The following NOX1 variants were observed in gnomAD, a reference collection of about 807,000 sequenced individuals.
NOX1 encodes the protein NADPH oxidase 1, also known as NADH/NADPH mitogenic oxidase subunit P65-MOX.
NOX1 carries 34 observed loss-of-function variants against 42.5 expected under a neutral mutation model. That is an observed-to-expected ratio of 0.80 (90% CI 0.61 to 1.07). NOX1 has a LOEUF of 1.07. Ranked by LOEUF, NOX1 falls within the 50% of genes least tolerant of loss-of-function variation. The pLI is 0.00. For synonymous variants in NOX1, 143 were observed against 152.5 expected, an observed-to-expected ratio of 0.94 and a Z score of 0.46; for missense variants, 408 against 427.0, an observed-to-expected ratio of 0.96 and a Z score of 0.39.
chrX:100,844,289 T>C (rs952977364), intron 12 of NOX1, among the ~76,000 whole-genome samples: 2 of 112,151 alleles, frequency 1.8e-5, no homozygotes, highest in South Asian at 7.4e-4. Flanking sequence ...GCCTTCCCTG[T>C]TTTGAGAACA....
intron 10 of NOX1, 29 bp downstream of exon 10, chrX:100,849,743 C>A: frequency 8.5e-7 from 1 of 1,174,656 alleles, no homozygotes. Context: ...AGACTCAGGC[C>A]AGAAGAAAAG....
rs2085052728 is a variant in NOX1 at position 100,843,817 on chromosome X, A to G, written c.*135T>C. The stretch of plus-strand genomic sequence containing the variant: ...AAGTAACGAAGTTGAATGCAATCAA[A>G]AAAAGAATACCAGGGAGTCAAGGCT... On this transcript the variant is annotated 3_prime_UTR_variant, in exon 13 of 13. Transcript: ENST00000372966. 3 of 502,578 alleles carry G rather than the reference A, an allele frequency of 6.0e-6. No homozygotes were observed. Among genetic ancestry groups the G allele is most frequent in the Non-Finnish European group, 9.6e-6 (3 of 313,438 alleles). The allele number at this position is 502,578 out of a possible 1,213,427, so 41.4% of individuals were successfully genotyped here.
intron 1 of NOX1, among the ~76,000 whole-genome samples, chrX:100,871,930 A>G (rs1473358252): frequency 8.9e-6 from 1 of 112,212 alleles, no homozygotes; most frequent in East Asian, 2.8e-4. Flanking sequence ...TAGCTCTATA[A>G]TCTCAGACAG....
intron 2 of NOX1, among the ~76,000 whole-genome samples, chrX:100,868,586 C>T (rs1241286199): frequency 9.0e-6 from 1 of 111,074 alleles, no homozygotes; most frequent in Admixed American, 9.6e-5. Context: ...CCTGAGCCCT[C>T]CTTTCTGCAG....
At chrX:100,846,157 G>A (rs1260076361) in intron 12 of NOX1, among the ~76,000 whole-genome samples, 1 of 111,092 alleles carries the variant, frequency 9.0e-6, no homozygotes, top group Admixed American at 9.5e-5. Context: ...TCCTGACCTC[G>A]TGATCCATCT....
intron 2 of NOX1, among the ~76,000 whole-genome samples, chrX:100,869,356 C>T (rs2085258621): frequency 9.2e-6 from 1 of 108,443 alleles, no homozygotes; most frequent in African/African-American, 3.4e-5. Context: ...GTTTGTAGTT[C>T]TCCTTGAAGA....
chrX:100,853,564 C>T (rs1468303058), intron 7 of NOX1, among the ~76,000 whole-genome samples: 1 of 105,534 alleles, frequency 9.5e-6, no homozygotes, highest in African/African-American at 3.5e-5. Context: ...CCACACCTGG[C>T]GAATTTTTGC....
intron 12 of NOX1, among the ~76,000 whole-genome samples, chrX:100,847,787 G>T (rs2085084245): frequency 9.5e-6 from 1 of 105,244 alleles, no homozygotes; most frequent in South Asian, 4.2e-4. Flanking sequence ...AAAAAAAAAG[G>T]TAATCAAGAA....
rs1202110915 is a variant in NOX1 at position 100,843,424 on chromosome X, T to C, written c.*528A>G. On this transcript the variant is annotated 3_prime_UTR_variant, in exon 13 of 13. Transcript: ENST00000372966. ...CATATCAAAAGTGACAGTAAACATG[T>C]ACACTGTTGGTGTTATATGGGGATG... 3 of 1,140,904 alleles carry C rather than the reference T, an allele frequency of 2.6e-6. No homozygotes were observed. Among genetic ancestry groups the C allele is most frequent in the Non-Finnish European group, 3.5e-6 (3 of 863,710 alleles). 94.0% of individuals were successfully genotyped at this position (1,140,904 alleles called of 1,213,427 possible).
At chrX:100,850,085 G>T in intron 9 of NOX1, 66 bp downstream of exon 9, 1 of 1,035,738 alleles carries the variant, frequency 9.7e-7, no homozygotes, top group Non-Finnish European at 1.3e-6. Flanking sequence ...ATTCAACGAA[G>T]AATTGCTTTC....
intron 7 of NOX1, chrX:100,855,708 T>G: frequency 9.6e-7 from 1 of 1,043,167 alleles, no homozygotes; most frequent in East Asian, 3.0e-5. Context: ...TCCACCACCA[T>G]CATGGCTGCC....
intron 1 of NOX1, 135 bp from the exon 2 acceptor site, chrX:100,870,949 G>A: frequency 2.3e-6 from 1 of 438,849 alleles, no homozygotes. Flanking sequence ...TTAAATGAGT[G>A]CAATCCTGCT....
rs182578795 is a variant in NOX1, at chrX:100,862,235, A to G, written c.740T>C (p.Phe247Ser). ...ESHPRKCAES[F>S]EMWDDRDSHC... ...GGAGTCACGATCATCCCACATCTCA[A>G]AAGACTCTGCACACTTGCGAGGATG... is the stretch of plus-strand genomic sequence containing the variant. The change falls in exon 7 of 13, where the codon TTT becomes TCT. Residue 247 changes from phenylalanine to serine, a missense_variant. Physicochemically the swap from Phe to Ser is radical, Grantham distance 155 (BLOSUM62 -2). Coordinates refer to ENST00000372966, the MANE Select transcript of NOX1 (RefSeq NM_007052.5). 7.2e-5 allele frequency: 87 copies of G among 1,209,270 alleles called. No individual in the cohort carries two copies. Among genetic ancestry groups the G allele is most frequent in the Non-Finnish European group, 8.9e-5 (80 of 894,791 alleles).
At chrX:100,845,256 TTCTGTC>T (rs1202919109) in intron 12 of NOX1, among the ~76,000 whole-genome samples, 1 of 111,377 alleles carries the variant, frequency 9.0e-6, no homozygotes, top group East Asian at 2.8e-4. Context: ...TCACTTTACT[TTCTGTC>T]TCTGTGGGTA....
chrX:100,855,241 T>C lies in NOX1; in HGVS notation c.805-3916A>G, dbSNP rs893671235. On this transcript the variant is annotated intron_variant, in intron 7 of 12. Transcript: ENST00000372966. ...TGAATCTGTTGTAACCTGTAGCTTC[T>C]CTGTCACTTCTCTGGCTCTCCTCTC... 3.5e-5 allele frequency: 18 copies of C among 520,851 alleles called. No homozygotes were observed. The East Asian group carries it at 5.8e-4, about 17-fold the overall frequency. 42.9% of individuals were successfully genotyped at this position (520,851 alleles called of 1,213,427 possible).
chrX:100,870,711 A>T lies in NOX1; in HGVS notation c.141+8T>A. On this transcript the variant is annotated splice_region_variant and intron_variant, in intron 2 of 12. Transcript: ENST00000372966. ...AGAGATTCTATCCGTGACAACCGTG[A>T]TACTCACCCCAAGGATTTTTCTTGT... The T allele has an allele frequency of 1.1e-5, 12 of 1,067,453 alleles. No homozygotes were observed. Among genetic ancestry groups the T allele is most frequent in the Non-Finnish European group, 1.6e-5 (12 of 767,458 alleles). 88.0% of individuals were successfully genotyped at this position (1,067,453 alleles called of 1,213,427 possible).
Position 100,843,467 on chromosome X carries a change from G to T in NOX1, c.*485C>A. On this transcript the variant is annotated 3_prime_UTR_variant, in exon 13 of 13. Coordinates refer to ENST00000372966, the MANE Select transcript of NOX1 (RefSeq NM_007052.5). ...TGGGGATGGGGTTCTCGGTAATTTT[G>T]TTTATTATTTATGTTTATTATTATG... is the stretch of plus-strand genomic sequence containing the variant. 9.2e-7 allele frequency: 1 copy of T among 1,090,985 alleles called. No homozygotes were observed. Among genetic ancestry groups the T allele is most frequent in the East Asian group, 3.6e-5 (1 of 27,429 alleles). 89.9% of individuals were successfully genotyped at this position (1,090,985 alleles called of 1,213,427 possible). A position where few individuals can be genotyped will look rare whatever the true frequency, so the allele number is the denominator to read the frequency against.
At chrX:100,853,531 G>A (rs1334088476) in intron 7 of NOX1, among the ~76,000 whole-genome samples, 1 of 104,170 alleles carries the variant, frequency 9.6e-6, no homozygotes, top group East Asian at 3.0e-4. Context: ...CTCCCAAGTA[G>A]CTAAAACTAC....
chrX:100,843,557 G>C lies in NOX1; in HGVS notation c.*395C>G, dbSNP rs1038207944. ...TCACCCTACTTAGAAATCTTCTGTG[G>C]GGGTGGGAGGGACAAAAGATTACAA... is the stretch of plus-strand genomic sequence containing the variant. On this transcript the variant is annotated 3_prime_UTR_variant, in exon 13 of 13. Transcript: ENST00000372966. 4 of 864,667 alleles carry C rather than the reference G, an allele frequency of 4.6e-6. No individual in the cohort carries two copies. Among genetic ancestry groups the C allele is most frequent in the Non-Finnish European group, 6.1e-6 (4 of 656,305 alleles). 71.3% of individuals were successfully genotyped at this position (864,667 alleles called of 1,213,427 possible).
Sources: gnomAD v4.1 joint callset for allele counts (sites outside exome capture counted in the v4.1 genomes callset) on GRCh38, gnomAD v4.1.1 for gene constraint, MANE v1.5 for transcripts, NCBI Gene and HGNC (gene_info 2026-07-23, HGNC 2026-07-21) for gene names.